The following SPECC1L variants were observed in gnomAD, a reference collection of about 807,000 sequenced individuals.
The protein encoded by SPECC1L is sperm antigen with calponin homology and coiled-coil domains 1 like, also known as cytospin-A.
A neutral mutation model predicts 116.8 loss-of-function variants in SPECC1L; 40 were observed. That is an observed-to-expected ratio of 0.34 (90% CI 0.27 to 0.45). SPECC1L has a LOEUF of 0.45. Ranked by LOEUF, SPECC1L falls within the 20% of genes least tolerant of loss-of-function variation. SPECC1L has a pLI of 1.00. For missense variants in SPECC1L, 1,110 were observed against 1,373.6 expected, an observed-to-expected ratio of 0.81 and a Z score of 3.03; for synonymous variants, 504 against 500.6, an observed-to-expected ratio of 1.01 and a Z score of -0.09.
At chr22:24,377,413 C>G (rs2041992475) in intron 14 of SPECC1L, among the ~76,000 whole-genome samples, 1 of 152,170 alleles carries the variant, frequency 6.6e-6, no homozygotes, top group South Asian at 2.1e-4. Flanking sequence ...CAGGCACATC[C>G]CACCATGCCT....
chr22:24,281,677 C>G (rs2048945392), intron 2 of SPECC1L, among the ~76,000 whole-genome samples: 1 of 152,102 alleles, frequency 6.6e-6, no homozygotes, highest in Admixed American at 6.6e-5. Flanking sequence ...AATTCGTTTT[C>G]AAAGCTTTTT....
chr22:24,363,203 T>C, intron 11 of SPECC1L, 58 bp from the exon 12 acceptor site: 4 of 1,442,306 alleles, frequency 2.8e-6, no homozygotes, highest in Non-Finnish European at 3.9e-6. Flanking sequence ...TTTGTACCTT[T>C]ATTACTTTAA....
intron 12 of SPECC1L, among the ~76,000 whole-genome samples, chr22:24,363,652 G>A (rs974715877): frequency 9.2e-5 from 14 of 152,108 alleles, no homozygotes; most frequent in Non-Finnish European, 2.1e-4. Context: ...ATAAAGTTCT[G>A]AGAGGTTTTC....
chr22:24,389,673 G>A (rs1269575234), intron 14 of SPECC1L, among the ~76,000 whole-genome samples: 2 of 152,086 alleles, frequency 1.3e-5, no homozygotes, highest in Non-Finnish European at 2.9e-5. Context: ...TCCCAGAATT[G>A]TGTGTCCCCA....
At chr22:24,350,606 T>C (rs1349473656) in intron 11 of SPECC1L, among the ~76,000 whole-genome samples, 2 of 152,216 alleles carry the variant, frequency 1.3e-5, no homozygotes, top group African/African-American at 4.8e-5. Flanking sequence ...AGGATTTTGC[T>C]TAGCTGCCAG....
At chr22:24,356,772 GT>G (rs143407842) in intron 11 of SPECC1L, among the ~76,000 whole-genome samples, 201 of 151,942 alleles carry the variant, frequency 1.3e-3, no homozygotes, top group African/African-American at 4.7e-3. Flanking sequence ...TTGACCATTT[GT>G]TATTACTTTG....
chr22:24,330,489 A>T lies in SPECC1L; in HGVS notation c.2396+58A>T, dbSNP rs1003091528. The T allele has an allele frequency of 4.4e-6, 7 of 1,574,314 alleles. No homozygotes were observed. The East Asian group carries it at 1.6e-4, about 35-fold the overall frequency. ...TTTCAGTAGAGAACACTTAAATCCC[A>T]ATTTTTGATGTGGTGCTATGGAAAA... On this transcript the variant is annotated intron_variant, in intron 8 of 16. Coordinates refer to ENST00000314328, the MANE Select transcript of SPECC1L (RefSeq NM_015330.6).
At chr22:24,413,549 G>A (rs1296427153) in intron 16 of SPECC1L, among the ~76,000 whole-genome samples, 1 of 152,102 alleles carries the variant, frequency 6.6e-6, no homozygotes, top group Non-Finnish European at 1.5e-5. Context: ...AAGTGTTTAC[G>A]CCCATGTTCA....
chr22:24,365,117 C>T (rs577399681), intron 12 of SPECC1L, among the ~76,000 whole-genome samples: 4 of 152,220 alleles, frequency 2.6e-5, no homozygotes, highest in South Asian at 2.1e-4. Flanking sequence ...AAGCAATTCT[C>T]CTGCCCCAGC....
intron 13 of SPECC1L, among the ~76,000 whole-genome samples, chr22:24,367,020 C>T (rs534477299): frequency 2.6e-4 from 40 of 152,184 alleles, no homozygotes; most frequent in Non-Finnish European, 4.4e-4. Context: ...ATGGTGAAAC[C>T]CCATCTGTAC....
chr22:24,387,836 G>A (rs1181018663), intron 14 of SPECC1L, among the ~76,000 whole-genome samples: 1 of 152,178 alleles, frequency 6.6e-6, no homozygotes, highest in Non-Finnish European at 1.5e-5. Flanking sequence ...CAAGGTGTCA[G>A]CAGAGCTGTG....
chr22:24,283,786 A>G (rs1029113880), intron 2 of SPECC1L, among the ~76,000 whole-genome samples: 8 of 152,202 alleles, frequency 5.3e-5, no homozygotes, highest in Non-Finnish European at 7.3e-5. Context: ...TCACTGTTTG[A>G]GCTTCGATAG....
At chr22:24,360,791 A>G (rs1394127207) in intron 11 of SPECC1L, among the ~76,000 whole-genome samples, 2 of 152,304 alleles carry the variant, frequency 1.3e-5, no homozygotes, top group East Asian at 3.9e-4. Context: ...TATAGAATGG[A>G]AAATTTGATT....
chr22:24,304,624 C>G (rs1184507716), intron 3 of SPECC1L, among the ~76,000 whole-genome samples: 3 of 152,156 alleles, frequency 2.0e-5, no homozygotes, highest in African/African-American at 7.2e-5. Flanking sequence ...TTCAGGTGTT[C>G]ATGATTAGTT....
intron 2 of SPECC1L, among the ~76,000 whole-genome samples, chr22:24,289,511 C>T (rs2049116765): frequency 6.6e-6 from 1 of 152,148 alleles, no homozygotes; most frequent in Admixed American, 6.5e-5. Flanking sequence ...AGAAGACTTA[C>T]ATGGTTCTAA....
intron 4 of SPECC1L, among the ~76,000 whole-genome samples, chr22:24,315,100 A>G (rs747709697): frequency 6.6e-6 from 1 of 152,254 alleles, no homozygotes; most frequent in Non-Finnish European, 1.5e-5. Context: ...AAATTGTAAA[A>G]ATTACATCAG....
At chr22:24,279,775 G>C (rs1268584040) in intron 2 of SPECC1L, among the ~76,000 whole-genome samples, 1 of 152,034 alleles carries the variant, frequency 6.6e-6, no homozygotes, top group Non-Finnish European at 1.5e-5. Flanking sequence ...GTAGAGACCA[G>C]GTTTCACCAT....
intron 14 of SPECC1L, among the ~76,000 whole-genome samples, chr22:24,375,086 A>G (rs531893251): frequency 6.6e-6 from 1 of 152,314 alleles, no homozygotes; most frequent in South Asian, 2.1e-4. Flanking sequence ...CTTAGATGAT[A>G]TGGACAAATT....
At chr22:24,300,119 TA>T (rs2049347646) in intron 2 of SPECC1L, among the ~76,000 whole-genome samples, 2 of 151,504 alleles carry the variant, frequency 1.3e-5, no homozygotes, top group South Asian at 4.2e-4. Flanking sequence ...ACCCATCCTC[TA>T]AGTTCTCTCC....
Sources: allele counts gnomAD v4.1 joint callset (sites outside exome capture counted in the v4.1 genomes callset), GRCh38; gene constraint gnomAD v4.1.1; transcripts MANE v1.5; gene names NCBI Gene and HGNC (gene_info 2026-07-23, HGNC 2026-07-21).